The following KCNMB2 variants were observed in gnomAD, a reference collection of about 807,000 sequenced individuals.
KCNMB2 encodes calcium-activated potassium channel subunit beta-2.
KCNMB2 carries 9 observed loss-of-function variants against 24.5 expected under a neutral mutation model. The observed-to-expected ratio is 0.37, with a 90% CI of 0.22 to 0.64. The LOEUF (loss-of-function observed/expected upper bound fraction) is 0.64, where lower values mean the gene tolerates loss of function less well. Among genes scored for constraint, KCNMB2 ranks in the 30% least tolerant of loss-of-function variants. The pLI, the probability that KCNMB2 is intolerant of heterozygous loss-of-function variation, is 0.63. For synonymous variants in KCNMB2, 109 were observed against 104.4 expected (o/e 1.04, Z -0.27); for missense variants, 226 against 284.3 (o/e 0.79, Z 1.47).
At chr3:178,692,622 T>C (rs1721721796) in intron 1 of KCNMB2, among the ~76,000 whole-genome samples, 1 of 152,214 alleles carries the variant, frequency 6.6e-6, no homozygotes, top group South Asian at 2.1e-4. Flanking sequence ...TTTGTGTCAG[T>C]ACCATGCTGT....
chr3:178,746,672 C>A (rs1723680335), intron 1 of KCNMB2, among the ~76,000 whole-genome samples: 1 of 152,166 alleles, frequency 6.6e-6, no homozygotes. Context: ...CCCAAGTCAC[C>A]TCTTGAATGC....
chr3:178,815,485 T>C (rs185371053), intron 2 of KCNMB2, among the ~76,000 whole-genome samples: 1 of 152,194 alleles, frequency 6.6e-6, no homozygotes, highest in Non-Finnish European at 1.5e-5. Flanking sequence ...AATTACATCA[T>C]TGGTGAATAC....
At chr3:178,707,381 T>A (rs770504253) in intron 1 of KCNMB2, among the ~76,000 whole-genome samples, 3 of 152,176 alleles carry the variant, frequency 2.0e-5, no homozygotes, top group Non-Finnish European at 2.9e-5. Context: ...GCACTACTAC[T>A]TGGAAAAATC....
At chr3:178,754,871 C>T (rs1723975300) in intron 1 of KCNMB2, among the ~76,000 whole-genome samples, 1 of 152,214 alleles carries the variant, frequency 6.6e-6, no homozygotes, top group African/African-American at 2.4e-5. Context: ...CACGTTTGGC[C>T]CTCATTCTGG....
chr3:178,603,957 C>T (rs1019341640), intron 1 of KCNMB2, among the ~76,000 whole-genome samples: 2 of 152,148 alleles, frequency 1.3e-5, no homozygotes, highest in African/African-American at 4.8e-5. Flanking sequence ...AGAGTTCTCA[C>T]ACTGAGGAGA....
At chr3:178,820,786 A>G (rs1714593417) in intron 2 of KCNMB2, 1 of 152,342 alleles carries the variant, frequency 6.6e-6, no homozygotes, top group South Asian at 2.1e-4. Flanking sequence ...TATTTATCAC[A>G]AACACTTTTG....
At chr3:178,747,407 T>C (rs6801603) in intron 1 of KCNMB2, among the ~76,000 whole-genome samples, 74,211 of 152,088 alleles carry the variant, frequency 0.49, 18,616 homozygotes, top group African/African-American at 0.62. Flanking sequence ...GGGACACAGC[T>C]AAACCATATC....
intron 1 of KCNMB2, among the ~76,000 whole-genome samples, chr3:178,576,037 G>C (rs1394601740): frequency 6.6e-6 from 1 of 152,068 alleles, no homozygotes; most frequent in Non-Finnish European, 1.5e-5. Flanking sequence ...TACAAAATCA[G>C]ATAAGGGGGT....
chr3:178,762,132 C>T (rs1245741802), intron 1 of KCNMB2, among the ~76,000 whole-genome samples: 2 of 152,180 alleles, frequency 1.3e-5, no homozygotes, highest in Non-Finnish European at 2.9e-5. Flanking sequence ...GATCGCACCA[C>T]TGCACTCCAG....
chr3:178,557,316 C>G (rs1577008737), intron 1 of KCNMB2, among the ~76,000 whole-genome samples: 1 of 152,002 alleles, frequency 6.6e-6, no homozygotes, highest in Non-Finnish European at 1.5e-5. Flanking sequence ...CTCTCTTTTT[C>G]CTCTGAGATG....
intron 2 of KCNMB2, 95 bp downstream of exon 2, chr3:178,807,560 A>G: frequency 9.9e-7 from 1 of 1,014,452 alleles, no homozygotes; most frequent in Non-Finnish European, 1.5e-6. Flanking sequence ...ACTGAGCCTT[A>G]TGCTTTGCAA....
chr3:178,595,565 T>G (rs1351649538), intron 1 of KCNMB2, among the ~76,000 whole-genome samples: 4 of 152,078 alleles, frequency 2.6e-5, no homozygotes. Flanking sequence ...CTCATGGTAG[T>G]GAGTTAGTGC....
At chr3:178,648,286 C>A (rs566403466) in intron 1 of KCNMB2, among the ~76,000 whole-genome samples, 1 of 152,208 alleles carries the variant, frequency 6.6e-6, no homozygotes, top group East Asian at 1.9e-4. Context: ...GCATGTAATC[C>A]CAACACTTTG....
At chr3:178,611,057 A>G (rs1718464139) in intron 1 of KCNMB2, among the ~76,000 whole-genome samples, 1 of 152,122 alleles carries the variant, frequency 6.6e-6, no homozygotes, top group African/African-American at 2.4e-5. Context: ...TAGAATTGGT[A>G]TTTATTCTTC....
chr3:178,781,119 G>A (rs1712813258), intron 1 of KCNMB2, among the ~76,000 whole-genome samples: 1 of 151,830 alleles, frequency 6.6e-6, no homozygotes, highest in African/African-American at 2.4e-5. Context: ...GGCATATTAG[G>A]TTAAATAAAA....
intron 4 of KCNMB2, among the ~76,000 whole-genome samples, chr3:178,832,354 A>G (rs1441916346): frequency 4.4e-5 from 1 of 22,914 alleles, no homozygotes; most frequent in Non-Finnish European, 8.5e-5. Flanking sequence ...CCTATTTTAA[A>G]GATTATTTTA....
intron 1 of KCNMB2, among the ~76,000 whole-genome samples, chr3:178,549,337 G>C (rs934475704): frequency 6.9e-6 from 1 of 144,682 alleles, no homozygotes; most frequent in Non-Finnish European, 1.5e-5. Context: ...TTGAGATGCA[G>C]TCTCACTCTG....
chr3:178,798,780 T>G (rs917597080), intron 1 of KCNMB2, among the ~76,000 whole-genome samples: 12 of 152,106 alleles, frequency 7.9e-5, no homozygotes, highest in Admixed American at 3.3e-4. Flanking sequence ...CATGCTGGGC[T>G]TAATTACTAG....
At chr3:178,601,096 A>G (rs1718066178) in intron 1 of KCNMB2, among the ~76,000 whole-genome samples, 1 of 151,802 alleles carries the variant, frequency 6.6e-6, no homozygotes, top group Admixed American at 6.6e-5. Context: ...ACACAGAAAC[A>G]GAAAACCAGA....
Sources: gnomAD v4.1 joint callset for allele counts (sites outside exome capture counted in the v4.1 genomes callset) on GRCh38, gnomAD v4.1.1 for gene constraint, MANE v1.5 for transcripts, NCBI Gene and HGNC (gene_info 2026-07-23, HGNC 2026-07-21) for gene names.